Variants in UXT observed in about 807,000 individuals in gnomAD.
UXT encodes the protein ubiquitously expressed prefoldin like chaperone, also known as protein UXT.
For missense variants in UXT, 111 were observed against 132.7 expected (o/e 0.84, Z 0.80); for synonymous variants, 54 against 52.8 (o/e 1.02, Z -0.10).
intron 4 of UXT, among the ~76,000 whole-genome samples, chrX:47,656,206 G>A (rs931340442): frequency 3.6e-5 from 4 of 111,953 alleles, no homozygotes; most frequent in Non-Finnish European, 5.6e-5. Flanking sequence ...CAGTGCGCCT[G>A]TAGTCCCAGT....
chrX:47,655,573 C>T (rs2058081033), intron 4 of UXT, among the ~76,000 whole-genome samples: 1 of 112,499 alleles, frequency 8.9e-6, no homozygotes, highest in Admixed American at 9.3e-5. Flanking sequence ...ATCAATGGTA[C>T]TCACACTTGT....
intron 4 of UXT, among the ~76,000 whole-genome samples, chrX:47,652,349 T>C (rs979697993): frequency 8.9e-6 from 1 of 112,328 alleles, no homozygotes; most frequent in African/African-American, 3.2e-5. Context: ...CACTGGGAGA[T>C]AGCAGCAAAC....
At chrX:47,653,687 T>C (rs1022736546) in intron 4 of UXT, among the ~76,000 whole-genome samples, 6 of 112,339 alleles carry the variant, frequency 5.3e-5, no homozygotes, top group Non-Finnish European at 9.4e-5. Context: ...TTATTGTTTG[T>C]CTCCCCTGAC....
intron 1 of UXT, among the ~76,000 whole-genome samples, 165 bp from the exon 3 acceptor site, chrX:47,658,028 G>A (rs1234149450): frequency 9.0e-6 from 1 of 110,511 alleles, no homozygotes; most frequent in Non-Finnish European, 1.9e-5. Flanking sequence ...TTTGGATCTG[G>A]GCTCTATCCT....
chrX:47,656,096 C>T (rs73632347), intron 4 of UXT, among the ~76,000 whole-genome samples: 1,572 of 111,899 alleles, frequency 0.014, 32 homozygotes, highest in African/African-American at 0.049. Context: ...CACATTTTCT[C>T]TCCCCATCAC....
At chrX:47,652,235 T>C in intron 4 of UXT, 91 bp from the exon 6 acceptor site, 2 of 867,711 alleles carry the variant, frequency 2.3e-6, no homozygotes, top group African/African-American at 2.0e-5. Context: ...ATATCCTGGA[T>C]GATTTCCACC....
chrX:47,655,367 A>C (rs933366831), intron 4 of UXT, among the ~76,000 whole-genome samples: 2 of 112,297 alleles, frequency 1.8e-5, no homozygotes, highest in African/African-American at 6.5e-5. Context: ...ACTATTTGCT[A>C]ATTGGTCTGA....
In UXT at chrX:47,657,762, C is replaced by A. The variant is rs749888691; in HGVS notation, c.216+20G>T. The A allele has an allele frequency of 5.6e-5, 67 of 1,192,536 alleles. No individual in the cohort carries two copies. The highest frequency in any genetic ancestry group is 7.2e-5 in the Non-Finnish European group (64 of 886,393). Reference sequence around the variant, plus strand: ...GCCCACACATACCAAAAAAATGGTACCCAATCCCATAGTCTTTACCTGGAG... The same window carrying A: ...GCCCACACATACCAAAAAAATGGTAACCAATCCCATAGTCTTTACCTGGAG... On this transcript the variant is annotated intron_variant, in intron 2 of 5. Transcript: ENST00000335890.
chrX:47,657,666 G>A, intron 2 of UXT, 27 bp from the exon 4 acceptor site: 2 of 1,200,438 alleles, frequency 1.7e-6, no homozygotes, highest in Middle Eastern at 2.3e-4. Context: ...AAAGAGGTAG[G>A]GGTCAGTGGT....
At chrX:47,657,528 G>A (rs756688084) in intron 3 of UXT, 44 bp downstream of exon 4, 2 of 1,167,855 alleles carry the variant, frequency 1.7e-6, no homozygotes, top group Non-Finnish European at 2.3e-6. Flanking sequence ...GAGGGAAGGG[G>A]TAAGCTGAAC....
At chrX:47,652,646 G>A (rs1267297672) in intron 4 of UXT, among the ~76,000 whole-genome samples, 1 of 112,024 alleles carries the variant, frequency 8.9e-6, no homozygotes, top group Admixed American at 9.4e-5. Flanking sequence ...AAACACAAAG[G>A]CACTGAGGTG....
In UXT at chrX:47,658,841, C is replaced by T. The variant is rs2058092961; in HGVS notation, c.123G>A (p.Gln41=). ...GCACTGTCACTCACCGCAAGTCCCG[C>T]TGCAGCACGTCACTGATGAAGGTCT... Residue 41 remains glutamine (Q), a synonymous_variant, in exon 1 of 6, where the codon CAG becomes CAA. Transcript: ENST00000335890. 1.2e-5 allele frequency: 14 copies of T among 1,147,269 alleles called. No homozygotes were observed. Among genetic ancestry groups the T allele is most frequent in the Non-Finnish European group, 1.6e-5 (14 of 863,542 alleles). The allele number at this position is 1,147,269 out of a possible 1,213,427, so 94.5% of individuals were successfully genotyped here.
In UXT at chrX:47,656,046, C is replaced by T. The variant is rs763804997; in HGVS notation, c.392+1137G>A. ...ATCTCCCAATGTGGCCCACGGAAACCAAAAGATTGGACACTCCTGCCTTAA... is the reference window on the plus strand; with the variant it reads ...ATCTCCCAATGTGGCCCACGGAAACTAAAAGATTGGACACTCCTGCCTTAA... On this transcript the variant is annotated intron_variant, in intron 4 of 5. Coordinates refer to ENST00000335890, the MANE Select transcript of UXT (RefSeq NM_153477.3). 1.3e-3 allele frequency among the ~76,000 whole-genome samples: 142 copies of T among 111,866 alleles called. 1 individual carries two copies. The highest frequency in any genetic ancestry group is 2.3e-3 in the Non-Finnish European group (123 of 53,150).
chrX:47,652,006 C>T (rs1182689440), intron 5 of UXT, 75 bp downstream of exon 6: 11 of 1,179,074 alleles, frequency 9.3e-6, no homozygotes, highest in Non-Finnish European at 1.1e-5. Context: ...ATGGTCCTTC[C>T]CTTCTTTCGC....
chrX:47,655,232 A>G lies in UXT; in HGVS notation c.392+1951T>C, dbSNP rs759810035. ...GAGGCAGAGGTTGCAGTGAGCCAAG[A>G]TCGCACCACTGCACTCCAGCCTGGG... On this transcript the variant is annotated intron_variant, in intron 4 of 5. Transcript: ENST00000335890. Among the ~76,000 whole-genome samples, 3 of 112,492 alleles carry G rather than the reference A, an allele frequency of 2.7e-5. No individual in the cohort carries two copies. In the East Asian group the frequency reaches 8.4e-4, roughly 31 times the overall value.
chrX:47,657,449 C>T (rs953089738), intron 3 of UXT, 123 bp downstream of exon 4: 5 of 820,541 alleles, frequency 6.1e-6, no homozygotes, highest in Non-Finnish European at 8.8e-6. Flanking sequence ...TAGCTTATAT[C>T]CTACTGGGAT....
chrX:47,652,229 C>T, intron 4 of UXT, 85 bp from the exon 6 acceptor site: 1 of 903,218 alleles, frequency 1.1e-6, no homozygotes, highest in East Asian at 3.4e-5. Context: ...CTACTTATAT[C>T]CTGGATGATT....
chrX:47,657,127 G>T, intron 4 of UXT, 56 bp downstream of exon 5: 1 of 981,934 alleles, frequency 1.0e-6, no homozygotes, highest in Non-Finnish European at 1.4e-6. Flanking sequence ...GGTAAAGGGA[G>T]AAGAGTGTTG....
chrX:47,655,371 G>T (rs1051952052), intron 4 of UXT, among the ~76,000 whole-genome samples: 2 of 112,134 alleles, frequency 1.8e-5, no homozygotes, highest in Non-Finnish European at 3.8e-5. Flanking sequence ...TTTGCTAATT[G>T]GTCTGAACAC....
Sources: gnomAD v4.1 joint callset for allele counts (sites outside exome capture counted in the v4.1 genomes callset) on GRCh38, gnomAD v4.1.1 for gene constraint, MANE v1.5 for transcripts, NCBI Gene and HGNC (gene_info 2026-07-23, HGNC 2026-07-21) for gene names.